Variants in ZDHHC3 observed in about 807,000 individuals in gnomAD.
The protein encoded by ZDHHC3 is palmitoyltransferase ZDHHC3.
A neutral mutation model predicts 30.6 loss-of-function variants in ZDHHC3; 9 were observed. The ratio of observed to expected loss-of-function variants is 0.29; its 90% CI spans 0.18 to 0.51. The LOEUF (loss-of-function observed/expected upper bound fraction) is 0.51. Ranked by LOEUF, ZDHHC3 falls within the 20% of genes least tolerant of loss-of-function variation. The pLI, the probability that ZDHHC3 is intolerant of heterozygous loss-of-function variation, is 0.97. For synonymous variants in ZDHHC3, 136 were observed against 140.2 expected, an observed-to-expected ratio of 0.97 and a Z score of 0.21; for missense variants, 246 against 384.2, an observed-to-expected ratio of 0.64 and a Z score of 3.01.
intron 2 of ZDHHC3, among the ~76,000 whole-genome samples, chr3:44,958,233 C>T (rs761870316): frequency 5.9e-5 from 9 of 152,166 alleles, no homozygotes; most frequent in Non-Finnish European, 1.0e-4. Flanking sequence ...TAATAATAAT[C>T]TACCACCTGA....
In ZDHHC3 at chr3:44,921,467, C is replaced by T. The variant is rs1700590710; in HGVS notation, c.*5222G>A. 3 of 985,320 alleles carry T rather than the reference C, an allele frequency of 3.0e-6. No homozygotes were observed. In the African/African-American group the frequency reaches 5.2e-5, roughly 17 times the overall value. 61.0% of individuals were successfully genotyped at this position (985,320 alleles called of 1,614,324 possible). On this transcript the variant is annotated 3_prime_UTR_variant, in exon 7 of 7. Transcript: ENST00000424952. ...TGTTGCATTCCAGAACACATATACA[C>T]ACAACTCCCTAAGCTTCATAAAACA...
chr3:44,949,160 T>A (rs1575869954), intron 2 of ZDHHC3, among the ~76,000 whole-genome samples: 1 of 152,072 alleles, frequency 6.6e-6, no homozygotes, highest in Non-Finnish European at 1.5e-5. Flanking sequence ...GAAAAGCCTA[T>A]GACAGAAAGT....
intron 5 of ZDHHC3, 101 bp downstream of exon 5, chr3:44,933,017 T>C (rs778815548): frequency 1.9e-6 from 3 of 1,613,918 alleles, no homozygotes; most frequent in Non-Finnish European, 2.5e-6. Context: ...TAAAATGAGG[T>C]TGGCCCCTGG....
In ZDHHC3 at chr3:44,923,518, A is replaced by G. The variant is rs1700758716; in HGVS notation, c.*3171T>C. 1 of 985,266 alleles carries G rather than the reference A, an allele frequency of 1.0e-6. No homozygotes were observed. The highest frequency in any genetic ancestry group is 1.7e-5 in the African/African-American group (1 of 57,318). The allele number at this position is 985,266 out of a possible 1,614,324, so 61.0% of individuals were successfully genotyped here. On this transcript the variant is annotated 3_prime_UTR_variant, in exon 7 of 7. Transcript: ENST00000424952. ...TACTTGGGGCTTTTTCAAGAAGTAC[A>G]GGGCTGGGCCCAGTGGCTCACGCCT...
At chr3:44,961,028 G>A (rs1553693079) in intron 1 of ZDHHC3, among the ~76,000 whole-genome samples, 1 of 152,246 alleles carries the variant, frequency 6.6e-6, no homozygotes, top group Non-Finnish European at 1.5e-5. Flanking sequence ...TTGCCCAAAG[G>A]AATATCGACT....
Position 44,926,284 on chromosome 3 carries a change from C to T in ZDHHC3, c.*405G>A, listed in dbSNP as rs112979040. 2,821 of 988,976 alleles carry T rather than the reference C, an allele frequency of 2.9e-3. 2 individuals are homozygous for T. The highest frequency in any genetic ancestry group is 3.2e-3 in the Non-Finnish European group (2,661 of 832,412). The allele number at this position is 988,976 out of a possible 1,614,324, so 61.3% of individuals were successfully genotyped here. The stretch of plus-strand genomic sequence containing the variant: ...CCTCCTGGGCAGTGGGAGGTCAGGG[C>T]CCTCCTGGCTTTCCCATGCATCCCC... On this transcript the variant is annotated 3_prime_UTR_variant, in exon 7 of 7. Coordinates refer to ENST00000424952, the MANE Select transcript of ZDHHC3 (RefSeq NM_001135179.2).
At position 44,945,763 on chromosome 3, in the gene ZDHHC3, T is replaced by C. The variant is rs1045563654; in HGVS notation, c.307-471A>G. Among the ~76,000 whole-genome samples, 3 of 152,196 alleles carry C rather than the reference T, an allele frequency of 2.0e-5. No homozygotes were observed. In the South Asian group the frequency reaches 6.2e-4, roughly 32 times the overall value. On this transcript the variant is annotated intron_variant, in intron 2 of 6. Transcript: ENST00000424952. ...TAGTAGAGATGGGGTTTCACCATGTTGGCCAGGATGGTCTCAATCTCCTGA... is the reference window on the plus strand; with the variant it reads ...TAGTAGAGATGGGGTTTCACCATGTCGGCCAGGATGGTCTCAATCTCCTGA...
intron 5 of ZDHHC3, among the ~76,000 whole-genome samples, chr3:44,932,532 G>C (rs1470276630): frequency 6.6e-6 from 1 of 152,172 alleles, no homozygotes. Flanking sequence ...TTCAGGATCT[G>C]TGCAATCTTC....
intron 3 of ZDHHC3, among the ~76,000 whole-genome samples, chr3:44,935,973 CCAAAAGCAATCGCAA>C (rs1701928596): frequency 6.6e-6 from 1 of 152,128 alleles, no homozygotes; most frequent in South Asian, 2.1e-4. Context: ...GACAAAGATA[CCAAAAGCAATCGCAA>C]CAAAAGCAAA....
chr3:44,932,063 T>C (rs1701540332), intron 5 of ZDHHC3, among the ~76,000 whole-genome samples: 1 of 152,138 alleles, frequency 6.6e-6, no homozygotes, highest in African/African-American at 2.4e-5. Context: ...TGACGAGAGG[T>C]GGGAGGTGTT....
intron 1 of ZDHHC3, among the ~76,000 whole-genome samples, chr3:44,967,262 C>T (rs1009461578): frequency 7.2e-5 from 11 of 152,248 alleles, no homozygotes; most frequent in African/African-American, 2.7e-4. Context: ...TACCAATGTC[C>T]TTCATTTCAG....
In ZDHHC3 at chr3:44,922,893, T is replaced by C. The variant is rs755998129; in HGVS notation, c.*3796A>G. ...TTTCTCTTTTCACATTTCTTTGATA[T>C]CTAAGGGCACCTTCTAGGTGGGGCG... On this transcript the variant is annotated 3_prime_UTR_variant, in exon 7 of 7. Coordinates refer to ENST00000424952, the MANE Select transcript of ZDHHC3 (RefSeq NM_001135179.2). The C allele has an allele frequency of 3.0e-6, 3 of 985,126 alleles. No homozygotes were observed. The highest frequency in any genetic ancestry group is 3.6e-6 in the Non-Finnish European group (3 of 829,910). The allele number at this position is 985,126 out of a possible 1,614,324, so 61.0% of individuals were successfully genotyped here. A position where few individuals can be genotyped will look rare whatever the true frequency, so the allele number is the denominator to read the frequency against.
Position 44,918,707 on chromosome 3 carries a change from A to G in ZDHHC3, c.*7982T>C. On this transcript the variant is annotated 3_prime_UTR_variant, in exon 7 of 7. Transcript: ENST00000424952. ...TGCATTAGGCAGCCGGAGGGCACAC[A>G]GGACCACTGTGGGGAGGTAAGGCTG... 3.0e-6 allele frequency: 3 copies of G among 994,914 alleles called. No individual in the cohort carries two copies. Among genetic ancestry groups the G allele is most frequent in the African/African-American group, 1.7e-5 (1 of 57,594 alleles). 61.6% of individuals were successfully genotyped at this position (994,914 alleles called of 1,614,324 possible).
At chr3:44,973,582 C>T (rs770995999) in intron 1 of ZDHHC3, among the ~76,000 whole-genome samples, 2 of 152,264 alleles carry the variant, frequency 1.3e-5, no homozygotes, top group South Asian at 2.1e-4. Context: ...CCTCAGCCTC[C>T]CGAGTAGCTG....
rs2125798754 is a variant in ZDHHC3, at chr3:44,925,386, A to G, written c.*1303T>C. 1 of 985,770 alleles carries G rather than the reference A, an allele frequency of 1.0e-6. No individual in the cohort carries two copies. Among genetic ancestry groups the G allele is most frequent in the East Asian group, 1.1e-4 (1 of 8,820 alleles). 61.1% of individuals were successfully genotyped at this position (985,770 alleles called of 1,614,324 possible). A position where few individuals can be genotyped will look rare whatever the true frequency, so the allele number is the denominator to read the frequency against. On this transcript the variant is annotated 3_prime_UTR_variant, in exon 7 of 7. Transcript: ENST00000424952. ...TGGCAATTGCTTAAAAAACAAATCA[A>G]TGTGTGAGAATTCCCCGATGGTCAA...
At chr3:44,930,775 T>A (rs1417845866) in intron 5 of ZDHHC3, among the ~76,000 whole-genome samples, 2 of 152,204 alleles carry the variant, frequency 1.3e-5, no homozygotes, top group East Asian at 3.8e-4. Flanking sequence ...TCTTGGCTCC[T>A]TGTGGGGCAG....
intron 1 of ZDHHC3, chr3:44,969,862 C>T (rs1367631970): frequency 6.6e-6 from 1 of 152,206 alleles, no homozygotes; most frequent in Non-Finnish European, 1.5e-5. Context: ...GAAATACTTC[C>T]TGTGGTGCCA....
chr3:44,934,008 C>A, intron 3 of ZDHHC3, 24 bp from the exon 4 acceptor site: 1 of 1,612,378 alleles, frequency 6.2e-7, no homozygotes, highest in Non-Finnish European at 8.5e-7. Flanking sequence ...CAGGTCAGAC[C>A]TTTAGGGCAT....
At chr3:44,961,447 G>A (rs1016994423) in intron 1 of ZDHHC3, among the ~76,000 whole-genome samples, 5 of 152,142 alleles carry the variant, frequency 3.3e-5, no homozygotes, top group African/African-American at 1.2e-4. Context: ...GTTCCTGGTG[G>A]TCCATCAACC....
Sources: gnomAD v4.1 joint callset for allele counts (sites outside exome capture counted in the v4.1 genomes callset) on GRCh38, gnomAD v4.1.1 for gene constraint, MANE v1.5 for transcripts, NCBI Gene and HGNC (gene_info 2026-07-23, HGNC 2026-07-21) for gene names.